The following PKHD1 variants were observed in gnomAD, a reference collection of about 807,000 sequenced individuals.
PKHD1 encodes the protein fibrocystin.
In PKHD1, 291 loss-of-function variants were observed where a neutral mutation model predicts 412.0. The ratio of observed to expected loss-of-function variants is 0.71; its 90% CI spans 0.64 to 0.78. The LOEUF is 0.78. PKHD1 is among the 30% of genes least tolerant of loss of function. PKHD1 has a pLI of 0.00. For missense variants in PKHD1, 4,825 were observed against 4,950.7 expected, an observed-to-expected ratio of 0.97 and a Z score of 0.76; for synonymous variants, 1,777 against 1,821.5, an observed-to-expected ratio of 0.98 and a Z score of 0.62.
In PKHD1 at chr6:51,748,673, C is replaced by T; in HGVS notation, c.8951-8G>A. 6.2e-7 allele frequency: 1 copy of T among 1,613,108 alleles called. No individual in the cohort carries two copies. Among genetic ancestry groups the T allele is most frequent in the Non-Finnish European group, 8.5e-7 (1 of 1,179,314 alleles). ...TAAGAAGTTGAAGGACACCTATAAACAAATGCATGTCATCAGGTACTTTCC... is the reference window on the plus strand; with the variant it reads ...TAAGAAGTTGAAGGACACCTATAAATAAATGCATGTCATCAGGTACTTTCC... On this transcript the variant is annotated splice_polypyrimidine_tract_variant and splice_region_variant and intron_variant, in intron 57 of 66. Coordinates refer to ENST00000371117, the MANE Select transcript of PKHD1 (RefSeq NM_138694.4).
At chr6:51,622,567 T>A (rs374710096) in intron 66 of PKHD1, 4 of 152,218 alleles carry the variant, frequency 2.6e-5, no homozygotes, top group African/African-American at 9.6e-5. Flanking sequence ...ATACTAATGC[T>A]TCTATCTTCT....
chr6:51,926,712 C>A (rs1785685729), intron 37 of PKHD1, among the ~76,000 whole-genome samples: 1 of 152,210 alleles, frequency 6.6e-6, no homozygotes, highest in Non-Finnish European at 1.5e-5. Flanking sequence ...AAGATTGTTC[C>A]AAGGTTACTC....
chr6:51,698,598 T>A lies in PKHD1; in HGVS notation c.10157-38629A>T, dbSNP rs376236244. Among the ~76,000 whole-genome samples, 8 of 152,214 alleles carry A rather than the reference T, an allele frequency of 5.3e-5. No homozygotes were observed. The East Asian group carries it at 1.3e-3, about 26-fold the overall frequency. On this transcript the variant is annotated intron_variant, in intron 60 of 66. Coordinates refer to ENST00000371117, the MANE Select transcript of PKHD1 (RefSeq NM_138694.4). ...CCATGGTTCCTAAGGAGCACAAGCA[T>A]CAATCATTTAATAAATACATGGTTT...
At chr6:51,950,809 T>C (rs938075375) in intron 36 of PKHD1, among the ~76,000 whole-genome samples, 11 of 152,144 alleles carry the variant, frequency 7.2e-5, no homozygotes, top group Admixed American at 1.3e-4. Context: ...CATTTACCAC[T>C]AGTTTCCAGC....
chr6:51,738,646 A>T (rs1264761003), intron 60 of PKHD1, among the ~76,000 whole-genome samples: 4 of 152,160 alleles, frequency 2.6e-5, no homozygotes, highest in Admixed American at 6.5e-5. Context: ...AAATAAATAA[A>T]TTGAAATAAA....
At chr6:51,807,687 A>G (rs962091718) in intron 52 of PKHD1, among the ~76,000 whole-genome samples, 3 of 152,062 alleles carry the variant, frequency 2.0e-5, no homozygotes, top group Non-Finnish European at 1.5e-5. Flanking sequence ...ATGCACATGC[A>G]TCTAGACATC....
chr6:51,779,628 C>A (rs1030243071), intron 53 of PKHD1, among the ~76,000 whole-genome samples: 10 of 151,730 alleles, frequency 6.6e-5, no homozygotes, highest in Non-Finnish European at 1.5e-4. Flanking sequence ...AGAAAAATAC[C>A]CCCTAGTAAT....
intron 60 of PKHD1, among the ~76,000 whole-genome samples, chr6:51,736,063 CTT>C (rs1426067082): frequency 6.6e-6 from 1 of 152,162 alleles, no homozygotes; most frequent in African/African-American, 2.4e-5. Flanking sequence ...AGGACTATCT[CTT>C]AGAGTAGAAC....
At chr6:51,823,943 C>G (rs1277884185) in intron 52 of PKHD1, among the ~76,000 whole-genome samples, 2 of 152,036 alleles carry the variant, frequency 1.3e-5, no homozygotes, top group Non-Finnish European at 2.9e-5. Flanking sequence ...ATTTTAGGAA[C>G]AAAACAAATA....
At chr6:51,928,627 C>A (rs143320991) in intron 37 of PKHD1, among the ~76,000 whole-genome samples, 1 of 151,912 alleles carries the variant, frequency 6.6e-6, no homozygotes, top group African/African-American at 2.4e-5. Flanking sequence ...GTAACTCTAG[C>A]GGACTTTGGG....
intron 60 of PKHD1, among the ~76,000 whole-genome samples, chr6:51,723,766 CT>C (rs1246784887): frequency 6.6e-6 from 1 of 152,150 alleles, no homozygotes; most frequent in African/African-American, 2.4e-5. Flanking sequence ...CAGGTCTGGG[CT>C]TTCCAGATGT....
intron 35 of PKHD1, among the ~76,000 whole-genome samples, chr6:51,999,630 C>G (rs1368929129): frequency 6.6e-6 from 1 of 152,196 alleles, no homozygotes; most frequent in East Asian, 1.9e-4. Context: ...GCTGAATCAA[C>G]AAGAATTAAA....
chr6:52,066,866 C>T (rs550464384), intron 11 of PKHD1, among the ~76,000 whole-genome samples: 1 of 152,192 alleles, frequency 6.6e-6, no homozygotes, highest in African/African-American at 2.4e-5. Context: ...TGCCACTGCA[C>T]TCCAGCCTGC....
At chr6:51,642,764 C>T (rs1296827308) in intron 63 of PKHD1, among the ~76,000 whole-genome samples, 2 of 151,992 alleles carry the variant, frequency 1.3e-5, no homozygotes, top group South Asian at 2.1e-4. Context: ...CACTTGAACC[C>T]GGGAGGCAGA....
intron 66 of PKHD1, among the ~76,000 whole-genome samples, chr6:51,626,201 C>T (rs1009153830): frequency 6.6e-6 from 1 of 152,086 alleles, no homozygotes; most frequent in Non-Finnish European, 1.5e-5. Context: ...CTATTTTTTG[C>T]TTAAACACGC....
rs1583328233 is a variant in PKHD1 at position 51,911,822 on chromosome 6, C to T, written c.6467G>A (p.Cys2156Tyr). 3 of 1,613,046 alleles carry T rather than the reference C, an allele frequency of 1.9e-6. No homozygotes were observed. The highest frequency in any genetic ancestry group is 2.5e-6 in the Non-Finnish European group (3 of 1,179,246). ...ACCTTCTGGAGCATTGGCCTCCTGG[C>T]ATGAAACAAGCAGCTTCTCCCTCTC... ...TNEREKLLVS[C>Y]QEANAPEGNL... is the part of the protein sequence containing the mutation. Residue 2156 changes from cysteine to tyrosine, a missense_variant, in exon 39 of 67, where the codon TGC (cysteine) becomes TAC (tyrosine). By Grantham distance (194) the Cys-to-Tyr change is radical (BLOSUM62 -2). Coordinates refer to ENST00000371117, the MANE Select transcript of PKHD1 (RefSeq NM_138694.4).
intron 60 of PKHD1, among the ~76,000 whole-genome samples, chr6:51,736,178 A>C (rs1783821261): frequency 6.6e-6 from 1 of 152,156 alleles, no homozygotes; most frequent in African/African-American, 2.4e-5. Context: ...TTGTTAATGG[A>C]AGATTTGAGG....
At position 51,790,998 on chromosome 6, in the gene PKHD1, T is replaced by C. The variant is rs6904634; in HGVS notation, c.8440+238A>G. Among the ~76,000 whole-genome samples, 88,618 of 151,388 alleles carry C rather than the reference T, an allele frequency of 0.59. 26,648 individuals carry two copies. Among genetic ancestry groups the C allele is most frequent in the East Asian group, 0.83 (4,238 of 5,118 alleles). On this transcript the variant is annotated intron_variant, in intron 53 of 66. Coordinates refer to ENST00000371117, the MANE Select transcript of PKHD1 (RefSeq NM_138694.4). ...TAAAAAATCACCCTGGAATGAGCAG[T>C]AGCAGGCGGACCAGAAACAGCCTGA...
At chr6:52,046,748 C>T (rs1805904090) in intron 23 of PKHD1, among the ~76,000 whole-genome samples, 1 of 152,252 alleles carries the variant, frequency 6.6e-6, no homozygotes, top group Non-Finnish European at 1.5e-5. Context: ...AGAATAACAG[C>T]TCTCTGTATT....
Sources: allele counts gnomAD v4.1 joint callset (sites outside exome capture counted in the v4.1 genomes callset), GRCh38; gene constraint gnomAD v4.1.1; transcripts MANE v1.5; gene names NCBI Gene and HGNC (gene_info 2026-07-23, HGNC 2026-07-21).